MYBPC2: variants seen among roughly 807,000 people sequenced by gnomAD.
MYBPC2 encodes myosin-binding protein C, fast-type.
A neutral mutation model predicts 137.0 loss-of-function variants in MYBPC2; 122 were observed. The ratio of observed to expected loss-of-function variants is 0.89; its 90% CI spans 0.77 to 1.03. The LOEUF is 1.03. Among genes scored for constraint, MYBPC2 ranks in the 50% least tolerant of loss-of-function variants. The probability of loss-of-function intolerance (pLI) is 0.00; values close to 1 mark genes in which losing one functional copy is unlikely to be tolerated. For synonymous variants in MYBPC2, 626 were observed against 612.3 expected (o/e 1.02, Z -0.33); for missense variants, 1,500 against 1,534.4 (o/e 0.98, Z 0.37).
intron 7 of MYBPC2, among the ~76,000 whole-genome samples, 173 bp from the exon 8 acceptor site, chr19:50,440,707 A>G (rs1360127687): frequency 6.6e-6 from 1 of 151,446 alleles, no homozygotes; most frequent in African/African-American, 2.4e-5. Context: ...TGTGCTGGGA[A>G]GAGGTCAGAA....
rs1244340840 is a variant in MYBPC2, at chr19:50,461,682, G to A, written c.3072G>A (p.Thr1024=). 4.3e-6 allele frequency: 7 copies of A among 1,611,668 alleles called. No individual in the cohort carries two copies. The highest frequency in any genetic ancestry group is 1.1e-5 in the South Asian group (1 of 90,998). ...LSDSPGVSKN[T]ARILKTGITF... is the part of the protein sequence containing the mutation. ...ACTCACCTGGTGTCTCCAAGAACAC[G>A]GCCCGCATCCTCAAGACAGGTACAG... is the stretch of plus-strand genomic sequence containing the variant. The change falls in exon 25 of 28, where the codon ACG becomes ACA. Residue 1024 remains threonine (T), a synonymous_variant. Transcript: ENST00000357701.
chr19:50,444,306 C>T (rs994252408), intron 11 of MYBPC2, among the ~76,000 whole-genome samples: 2 of 127,102 alleles, frequency 1.6e-5, no homozygotes, highest in Non-Finnish European at 1.7e-5. Context: ...ATCCATCCAT[C>T]CATCCATCCA....
rs1427852587 is a variant in MYBPC2 at position 50,465,121 on chromosome 19, T to C, written c.3415+589T>C. Among the ~76,000 whole-genome samples, 2 of 151,890 alleles carry C rather than the reference T, an allele frequency of 1.3e-5. No individual in the cohort carries two copies. Among genetic ancestry groups the C allele is most frequent in the East Asian group, 3.9e-4 (2 of 5,134 alleles). ...TGGACTCTGGCCCCAGAGAGCTCTC[T>C]CTATCCAGAGCTGCTCTGCCCCAGC... On this transcript the variant is annotated intron_variant, in intron 27 of 27. Transcript: ENST00000357701. This position sits in a 1 kb window ranked among gnomAD's most constrained non-coding sequence, Gnocchi z 4.5.
intron 21 of MYBPC2, 50 bp downstream of exon 21, chr19:50,458,804 C>G (rs757139971): frequency 2.5e-6 from 4 of 1,603,510 alleles, no homozygotes; most frequent in East Asian, 2.2e-5. Flanking sequence ...GGCGTCGTCC[C>G]GCCTGCCCTT....
At position 50,460,246 on chromosome 19, in the gene MYBPC2, C is replaced by T. The variant is rs922991189; in HGVS notation, c.2931+67C>T. ...GGGCAGAGCAGGTGCAGATGTCCCC[C>T]GTTCACAGCTGGAAGGGCAGGGAGG... On this transcript the variant is annotated intron_variant, in intron 24 of 27. Coordinates refer to ENST00000357701, the MANE Select transcript of MYBPC2 (RefSeq NM_004533.4). 5.3e-5 allele frequency: 80 copies of T among 1,514,704 alleles called. No individual in the cohort carries two copies. The Middle Eastern group carries it at 1.2e-3, about 23-fold the overall frequency. 93.8% of individuals were successfully genotyped at this position (1,514,704 alleles called of 1,614,324 possible).
chr19:50,451,494 G>A (rs2039857540), intron 15 of MYBPC2, among the ~76,000 whole-genome samples, 185 bp downstream of exon 15: 1 of 132,438 alleles, frequency 7.6e-6, no homozygotes, highest in African/African-American at 2.9e-5. Context: ...GCGGGGAGCT[G>A]ACAGACGGGG....
intron 12 of MYBPC2, among the ~76,000 whole-genome samples, chr19:50,446,835 AAATT>A (rs1447839947): frequency 2.0e-5 from 3 of 150,764 alleles, no homozygotes; most frequent in Admixed American, 6.6e-5. Context: ...AAAAAAAAAA[AAATT>A]AGCCGAGCAT....
intron 11 of MYBPC2, among the ~76,000 whole-genome samples, chr19:50,444,879 CAAAAAAAA>C (rs34557075): frequency 7.3e-4 from 49 of 67,250 alleles, no homozygotes; most frequent in African/African-American, 2.3e-3. Flanking sequence ...GACTCCGTCT[CAAAAAAAA>C]AAAAAAAAAA....
intron 20 of MYBPC2, among the ~76,000 whole-genome samples, chr19:50,457,053 C>T (rs1343269040): frequency 1.3e-5 from 2 of 152,206 alleles, no homozygotes; most frequent in African/African-American, 2.4e-5. Context: ...CGGGTTCCAA[C>T]CTTGCCCCTC....
chr19:50,453,960 C>G, intron 16 of MYBPC2, 60 bp from the exon 17 acceptor site: 3 of 1,519,580 alleles, frequency 2.0e-6, no homozygotes, highest in Non-Finnish European at 2.7e-6. Context: ...ATGGCAGAGG[C>G]AGGCCTGGGT....
chr19:50,436,093 G>A lies in MYBPC2; in HGVS notation c.278G>A (p.Trp93Ter), dbSNP rs750385878. The change falls in exon 4 of 28, where the codon TGG (tryptophan) becomes TAG (stop). Residue 93 changes from tryptophan to a stop codon, truncating the protein, a stop_gained. Transcript: ENST00000357701. LOFTEE classifies it high-confidence loss of function. ...ACCATCAAGTGGTTCAAGGGGAAGT[G>A]GCTGGAGCTGGGCAGCAAGAGTGGC... ...KPTIKWFKGK[W>*]LELGSKSGAR... 8.2e-6 allele frequency: 13 copies of A among 1,582,454 alleles called. No individual in the cohort carries two copies. In the South Asian group the frequency reaches 1.4e-4, roughly 17 times the overall value.
At chr19:50,464,090 C>A in intron 26 of MYBPC2, 1 of 389,294 alleles carries the variant, frequency 2.6e-6, no homozygotes, top group East Asian at 6.0e-5. Flanking sequence ...AGTGTGGGAC[C>A]CTGTGGGCCA....
At chr19:50,460,382 G>A (rs1334360792) in intron 24 of MYBPC2, among the ~76,000 whole-genome samples, 4 of 152,092 alleles carry the variant, frequency 2.6e-5, no homozygotes, top group African/African-American at 7.2e-5. Context: ...GTCACATAAC[G>A]GAATTAGTCA....
At position 50,449,497 on chromosome 19, in the gene MYBPC2, G is replaced by A. The variant is rs578217212; in HGVS notation, c.1472+1107G>A. ...TGGAAACTGGCCCAATGCCACTTCC[G>A]CCATAGTCTGTTGGGCAAGGAAAGT... is the stretch of plus-strand genomic sequence containing the variant. On this transcript the variant is annotated intron_variant, in intron 13 of 27. Coordinates refer to ENST00000357701, the MANE Select transcript of MYBPC2 (RefSeq NM_004533.4). Among the ~76,000 whole-genome samples the A allele has an allele frequency of 2.6e-5, 4 of 152,340 alleles. No homozygotes were observed. In the South Asian group the frequency reaches 8.3e-4, roughly 32 times the overall value.
intron 26 of MYBPC2, among the ~76,000 whole-genome samples, chr19:50,462,453 G>A (rs2039980631): frequency 6.6e-6 from 1 of 152,002 alleles, no homozygotes; most frequent in Admixed American, 6.6e-5. Flanking sequence ...CAAAGTGCTG[G>A]GATTACAGGT....
At chr19:50,436,863 T>A in intron 5 of MYBPC2, 129 bp downstream of exon 5, 1 of 766,462 alleles carries the variant, frequency 1.3e-6, no homozygotes. Flanking sequence ...GAGGAGGGAG[T>A]GCAGATTCTG....
At position 50,454,053 on chromosome 19, in the gene MYBPC2, G is replaced by A. The variant is rs1277678441; in HGVS notation, c.1783G>A (p.Glu595Lys). The A allele has an allele frequency of 6.8e-6, 11 of 1,607,838 alleles. No individual in the cohort carries two copies. The highest frequency in any genetic ancestry group is 2.2e-5 in the South Asian group (2 of 89,820). ...GACCACCGAGGGCAGGACCCGCATC[G>A]AGAAGCGGGTGGACTGCAGCAGCTT... ...FTTTEGRTRI[E>K]KRVDCSSFVI... Residue 595 changes from glutamate to lysine, a missense_variant, in exon 17 of 28, where the codon GAG becomes AAG. By Grantham distance (56) the Glu-to-Lys change is moderately conservative. Transcript: ENST00000357701.
At chr19:50,450,994 G>A in intron 14 of MYBPC2, 59 bp downstream of exon 14, 1 of 1,448,076 alleles carries the variant, frequency 6.9e-7, no homozygotes, top group Non-Finnish European at 9.5e-7. Flanking sequence ...GCAGACCCAG[G>A]GCCCGGGATG....
rs1426691395 is a variant in MYBPC2 at position 50,450,824 on chromosome 19, C to T, written c.1473-5C>T. 6.4e-7 allele frequency: 1 copy of T among 1,560,564 alleles called. No homozygotes were observed. Among genetic ancestry groups the T allele is most frequent in the Non-Finnish European group, 8.7e-7 (1 of 1,152,318 alleles). On this transcript the variant is annotated splice_region_variant and splice_polypyrimidine_tract_variant and intron_variant, in intron 13 of 27. Transcript: ENST00000357701. ...CGAGCCCTACCCTGCTCCCCCACCCCTTAGGTTCCACAAGCTGGTGATCGA... is the reference window on the plus strand; with the variant it reads ...CGAGCCCTACCCTGCTCCCCCACCCTTTAGGTTCCACAAGCTGGTGATCGA...
Sources: gnomAD v4.1 joint callset for allele counts (sites outside exome capture counted in the v4.1 genomes callset) on GRCh38, gnomAD v4.1.1 for gene constraint, Gnocchi (gnomAD v3.1) non-coding constraint, MANE v1.5 for transcripts, NCBI Gene and HGNC (gene_info 2026-07-23, HGNC 2026-07-21) for gene names.